Variants in TTLL5 observed in about 807,000 individuals in gnomAD.
TTLL5 encodes the protein tubulin polyglutamylase TTLL5.
TTLL5 carries 132 observed loss-of-function variants against 168.4 expected under a neutral mutation model. The observed-to-expected ratio is 0.78, with a 90% CI of 0.68 to 0.91. TTLL5 has a LOEUF of 0.91. TTLL5 is among the 40% of genes least tolerant of loss of function. The probability of loss-of-function intolerance (pLI) is 0.00; values close to 1 mark genes in which losing one functional copy is unlikely to be tolerated. For missense variants in TTLL5, 1,545 were observed against 1,581.5 expected, an observed-to-expected ratio of 0.98 and a Z score of 0.39; for synonymous variants, 546 against 558.6, an observed-to-expected ratio of 0.98 and a Z score of 0.32.
intron 31 of TTLL5, among the ~76,000 whole-genome samples, chr14:75,914,033 A>AAAAAAAAAAATATATATATATATAT: frequency 2.8e-5 from 2 of 71,088 alleles, no homozygotes; most frequent in African/African-American, 1.6e-4. Flanking sequence ...AAAAAAAAAA[A>AAAAAAAAAAATATATATATATATAT]ATATATATAT....
At chr14:75,869,117 G>A (rs1010652067) in intron 29 of TTLL5, among the ~76,000 whole-genome samples, 1 of 148,592 alleles carries the variant, frequency 6.7e-6, no homozygotes, top group African/African-American at 2.5e-5. Flanking sequence ...CTATTGCTTC[G>A]TTGTTTTTTT....
Position 75,793,073 on chromosome 14 carries a change from C to G in TTLL5, c.3144C>G (p.Ser1048=). Reference sequence around the variant, plus strand: ...AGGCAGCGAGACAGTATTCTCCATCCAGCCACATCAACCTCCTCACCCAAC... The same window carrying G: ...AGGCAGCGAGACAGTATTCTCCATCGAGCCACATCAACCTCCTCACCCAAC... ...EKQAARQYSP[S]SHINLLTQQV... The change falls in exon 27 of 32, where the codon TCC becomes TCG. Residue 1048 remains serine (S), a synonymous_variant. Coordinates refer to ENST00000298832, the MANE Select transcript of TTLL5 (RefSeq NM_015072.5). 3 of 1,612,606 alleles carry G rather than the reference C, an allele frequency of 1.9e-6. No homozygotes were observed. Among genetic ancestry groups the G allele is most frequent in the African/African-American group, 2.7e-5 (2 of 75,042 alleles).
intron 21 of TTLL5, among the ~76,000 whole-genome samples, chr14:75,773,877 A>C (rs1376610932): frequency 1.4e-5 from 2 of 140,332 alleles, no homozygotes; most frequent in Non-Finnish European, 3.1e-5. Context: ...GTGACAGAGC[A>C]AGATACCGTC....
chr14:75,815,216 A>G (rs1350287352), intron 27 of TTLL5, among the ~76,000 whole-genome samples: 1 of 152,230 alleles, frequency 6.6e-6, no homozygotes, highest in Non-Finnish European at 1.5e-5. Context: ...AGAATATTTA[A>G]TCTAGAGGGG....
In TTLL5 at chr14:75,707,230, T is replaced by C. The variant is rs1886720557; in HGVS notation, c.655+143T>C. 4.5e-6 allele frequency: 3 copies of C among 667,630 alleles called. No individual in the cohort carries two copies. The Admixed American group carries it at 8.1e-5, about 18-fold the overall frequency. The allele number at this position is 667,630 out of a possible 1,614,324, so 41.4% of individuals were successfully genotyped here. A position where few individuals can be genotyped will look rare whatever the true frequency, so the allele number is the denominator to read the frequency against. On this transcript the variant is annotated intron_variant, in intron 8 of 31. Coordinates refer to ENST00000298832, the MANE Select transcript of TTLL5 (RefSeq NM_015072.5). ...TGGCTCCAGAAAGGCAGCAGGTTCCTTACCTATCTCACGGGATTTATCTGA... is the reference window on the plus strand; with the variant it reads ...TGGCTCCAGAAAGGCAGCAGGTTCCCTACCTATCTCACGGGATTTATCTGA...
chr14:75,865,995 T>A (rs79395875), intron 29 of TTLL5, among the ~76,000 whole-genome samples: 4 of 152,192 alleles, frequency 2.6e-5, no homozygotes, highest in Non-Finnish European at 5.9e-5. Context: ...AAACCACAGC[T>A]GATTTAGGTA....
At chr14:75,715,076 C>G (rs193043724) in intron 9 of TTLL5, among the ~76,000 whole-genome samples, 7 of 152,094 alleles carry the variant, frequency 4.6e-5, no homozygotes, top group African/African-American at 9.7e-5. Flanking sequence ...AAATCTGGCT[C>G]GCAGTATCTT....
At chr14:75,952,104 C>G (rs1043340376) in intron 31 of TTLL5, among the ~76,000 whole-genome samples, 1 of 152,108 alleles carries the variant, frequency 6.6e-6, no homozygotes, top group African/African-American at 2.4e-5. Context: ...AAAGACGACT[C>G]AGGTTTAAAG....
intron 10 of TTLL5, 60 bp from the exon 11 acceptor site, chr14:75,719,675 T>G: frequency 7.1e-7 from 1 of 1,413,452 alleles, no homozygotes; most frequent in Non-Finnish European, 9.5e-7. Flanking sequence ...TTGCAAAGAG[T>G]CTTGTTATTA....
chr14:75,883,007 CAA>C, intron 30 of TTLL5, 105 bp downstream of exon 30: 1 of 1,209,558 alleles, frequency 8.3e-7, no homozygotes, highest in Non-Finnish European at 1.2e-6. Flanking sequence ...GTACTGGAAA[CAA>C]GAACACCTGC....
intron 31 of TTLL5, chr14:75,941,585 C>A (rs914152973): frequency 1.3e-5 from 2 of 152,090 alleles, no homozygotes; most frequent in Admixed American, 1.3e-4. Context: ...AGAAAAATAA[C>A]TTTGGTTATA....
intron 15 of TTLL5, chr14:75,744,601 A>G (rs532977439): frequency 6.5e-6 from 1 of 152,736 alleles, no homozygotes; most frequent in East Asian, 1.9e-4. Context: ...ATTGTAAAAC[A>G]TTTCACAGCC....
chr14:75,715,806 AT>A (rs201410772), intron 9 of TTLL5, among the ~76,000 whole-genome samples: 4,802 of 146,098 alleles, frequency 0.033, 87 homozygotes, highest in Middle Eastern at 0.081. Context: ...AAGAAACATG[AT>A]TTTTTTTTTT....
At chr14:75,671,721 C>A (rs1883767470) in intron 3 of TTLL5, among the ~76,000 whole-genome samples, 1 of 152,080 alleles carries the variant, frequency 6.6e-6, no homozygotes, top group Non-Finnish European at 1.5e-5. Context: ...CACCTGAGTT[C>A]TGTATATTGA....
At chr14:75,715,754 G>T (rs1566825352) in intron 9 of TTLL5, among the ~76,000 whole-genome samples, 1 of 151,610 alleles carries the variant, frequency 6.6e-6, no homozygotes, top group Non-Finnish European at 1.5e-5. Flanking sequence ...TCCTTGCTGG[G>T]GTTCAGAATA....
chr14:75,858,487 A>G (rs553159279), intron 28 of TTLL5, among the ~76,000 whole-genome samples: 2 of 152,376 alleles, frequency 1.3e-5, no homozygotes, highest in East Asian at 3.9e-4. Flanking sequence ...CTTAGTATGT[A>G]ATAGTTGTCT....
intron 27 of TTLL5, among the ~76,000 whole-genome samples, chr14:75,798,880 T>C (rs547726810): frequency 6.6e-6 from 1 of 152,296 alleles, no homozygotes; most frequent in Admixed American, 6.5e-5. Context: ...TTTTGTGGCC[T>C]ATCTTGTGGT....
chr14:75,692,174 T>A (rs1885512945), intron 6 of TTLL5, among the ~76,000 whole-genome samples: 2 of 152,210 alleles, frequency 1.3e-5, no homozygotes, highest in African/African-American at 4.8e-5. Context: ...GCTGACCTTA[T>A]AAAGTTGTCA....
intron 28 of TTLL5, among the ~76,000 whole-genome samples, chr14:75,839,416 C>T (rs1896089076): frequency 6.6e-6 from 1 of 152,150 alleles, no homozygotes; most frequent in Non-Finnish European, 1.5e-5. Context: ...TTAGTTTGTT[C>T]TCATGCTGCT....
Sources: gnomAD v4.1 joint callset for allele counts (sites outside exome capture counted in the v4.1 genomes callset) on GRCh38, gnomAD v4.1.1 for gene constraint, MANE v1.5 for transcripts, NCBI Gene and HGNC (gene_info 2026-07-23, HGNC 2026-07-21) for gene names.